CNTN4: variants seen among roughly 807,000 people sequenced by gnomAD.
CNTN4 encodes the protein contactin 4.
Under a neutral mutation model 122.5 loss-of-function variants are expected in CNTN4, and 77 were observed. That is an observed-to-expected ratio of 0.63 (90% CI 0.52 to 0.76). The LOEUF is 0.76. Ranked by LOEUF, CNTN4 falls within the 30% of genes least tolerant of loss-of-function variation. The pLI is 0.00. For missense variants in CNTN4, 1,256 were observed against 1,259.1 expected (o/e 1.00, Z 0.04); for synonymous variants, 512 against 447.0 (o/e 1.15, Z -1.83).
At chr3:2,367,029 G>A (rs185477932) in intron 3 of CNTN4, among the ~76,000 whole-genome samples, 210 of 152,120 alleles carry the variant, frequency 1.4e-3, no homozygotes, top group African/African-American at 4.9e-3. Flanking sequence ...GTGGTCTCTT[G>A]AATCTCCCTA....
At chr3:2,951,020 C>T (rs1031426468) in intron 13 of CNTN4, among the ~76,000 whole-genome samples, 2 of 152,146 alleles carry the variant, frequency 1.3e-5, no homozygotes, top group Non-Finnish European at 2.9e-5. Flanking sequence ...CTTAATCTCT[C>T]GAAACCTAAT....
intron 3 of CNTN4, among the ~76,000 whole-genome samples, chr3:2,441,324 A>G (rs906088081): frequency 1.3e-5 from 2 of 152,108 alleles, no homozygotes; most frequent in African/African-American, 4.8e-5. Context: ...CAAAAGTAAC[A>G]TTTTCTATGA....
intron 4 of CNTN4, among the ~76,000 whole-genome samples, chr3:2,636,940 G>GTTTTTTTTT (rs34067643): frequency 4.2e-5 from 4 of 95,108 alleles, no homozygotes; most frequent in African/African-American, 8.3e-5. Context: ...TTTTTTTTTG[G>GTTTTTTTTT]TTTTTTTTTT....
chr3:2,712,074 A>T (rs1294120017), intron 4 of CNTN4, among the ~76,000 whole-genome samples: 1 of 152,202 alleles, frequency 6.6e-6, no homozygotes, highest in Non-Finnish European at 1.5e-5. Context: ...CATTTACTGA[A>T]TATACATTCA....
intron 2 of CNTN4, among the ~76,000 whole-genome samples, chr3:2,139,941 C>T (rs1462307516): frequency 6.6e-6 from 1 of 152,220 alleles, no homozygotes; most frequent in African/African-American, 2.4e-5. Flanking sequence ...CTATAATTCC[C>T]ACCTGTCATG....
rs186167901 is a variant in CNTN4 at position 2,468,539 on chromosome 3, A to G, written c.-88-102877A>G. On this transcript the variant is annotated intron_variant, in intron 3 of 24. Transcript: ENST00000418658. ...CGGTAGGCTGTTGTGTCTGGGATCTACAGAGAAGACTACATCAGTCAGAAT... is the reference window on the plus strand; with the variant it reads ...CGGTAGGCTGTTGTGTCTGGGATCTGCAGAGAAGACTACATCAGTCAGAAT... Among the ~76,000 whole-genome samples the G allele has an allele frequency of 1.3e-3, 193 of 152,300 alleles. 1 individual carries two copies. The highest frequency in any genetic ancestry group is 2.2e-3 in the Non-Finnish European group (151 of 68,028).
intron 3 of CNTN4, among the ~76,000 whole-genome samples, chr3:2,374,789 G>A (rs1311308835): frequency 6.6e-6 from 1 of 152,128 alleles, no homozygotes; most frequent in African/African-American, 2.4e-5. Context: ...ATACATGAAT[G>A]TTTAAATTTT....
rs558486630 is a variant in CNTN4, at chr3:2,543,964, G to T, written c.-88-27452G>T. Among the ~76,000 whole-genome samples the T allele has an allele frequency of 2.6e-5, 4 of 152,174 alleles. No individual in the cohort carries two copies. The South Asian group carries it at 8.3e-4, about 32-fold the overall frequency. On this transcript the variant is annotated intron_variant, in intron 3 of 24. Transcript: ENST00000418658. ...GCGACAAGCCTCTGTGGTAGACATT[G>T]AACTTTTCATATTTTGGATATATCT...
At chr3:2,582,479 G>T (rs1213339977) in intron 4 of CNTN4, among the ~76,000 whole-genome samples, 1 of 152,160 alleles carries the variant, frequency 6.6e-6, no homozygotes, top group Non-Finnish European at 1.5e-5. Flanking sequence ...TGGGATTGGG[G>T]GCGGCGGGGA....
intron 17 of CNTN4, among the ~76,000 whole-genome samples, chr3:3,035,702 G>A (rs909128728): frequency 2.0e-5 from 3 of 152,156 alleles, no homozygotes; most frequent in South Asian, 4.1e-4. Flanking sequence ...GACCACAGGC[G>A]CAGGCCCCCA....
chr3:3,023,384 A>T (rs1286214791), intron 14 of CNTN4, among the ~76,000 whole-genome samples: 1 of 152,150 alleles, frequency 6.6e-6, no homozygotes, highest in Non-Finnish European at 1.5e-5. Context: ...TGACTCAGGG[A>T]ACTTCTCTGG....
At chr3:2,398,095 T>C (rs552427474) in intron 3 of CNTN4, among the ~76,000 whole-genome samples, 11 of 152,262 alleles carry the variant, frequency 7.2e-5, no homozygotes, top group Middle Eastern at 3.4e-3. Flanking sequence ...AGTTAAAATA[T>C]TAAAAGTCGA....
chr3:2,634,027 G>A (rs9811464), intron 4 of CNTN4, among the ~76,000 whole-genome samples: 1 of 151,936 alleles, frequency 6.6e-6, no homozygotes. Context: ...CATAGTGGTT[G>A]GGAAACAATT....
chr3:2,904,253 G>A (rs916408799), intron 12 of CNTN4, among the ~76,000 whole-genome samples: 6 of 152,156 alleles, frequency 3.9e-5, no homozygotes, highest in African/African-American at 7.2e-5. Context: ...GCTAATTCAC[G>A]TGCTCTGATA....
intron 4 of CNTN4, among the ~76,000 whole-genome samples, chr3:2,626,345 A>C (rs1685305833): frequency 6.6e-6 from 1 of 152,122 alleles, no homozygotes; most frequent in East Asian, 1.9e-4. Flanking sequence ...TACGAAAAAA[A>C]AATTAGCCAG....
At chr3:2,432,257 T>G (rs758499432) in intron 3 of CNTN4, among the ~76,000 whole-genome samples, 1 of 152,232 alleles carries the variant, frequency 6.6e-6, no homozygotes, top group Non-Finnish European at 1.5e-5. Context: ...ATCACTGTGC[T>G]TATGCATTCA....
chr3:2,676,928 C>T (rs1576427885), intron 4 of CNTN4, among the ~76,000 whole-genome samples: 1 of 152,234 alleles, frequency 6.6e-6, no homozygotes, highest in East Asian at 1.9e-4. Context: ...TTTGTGTGGA[C>T]TAGGAACATC....
At chr3:2,106,754 C>A (rs1023685455) in intron 2 of CNTN4, among the ~76,000 whole-genome samples, 16 of 152,340 alleles carry the variant, frequency 1.1e-4, no homozygotes, top group African/African-American at 3.8e-4. Flanking sequence ...CAAATTTCTG[C>A]AGCTGGCTTG....
chr3:2,434,419 G>A (rs1441643433), intron 3 of CNTN4, among the ~76,000 whole-genome samples: 1 of 152,194 alleles, frequency 6.6e-6, no homozygotes, highest in Non-Finnish European at 1.5e-5. Flanking sequence ...AGCTAGGAAA[G>A]AATTTGGGAC....
Sources: allele counts gnomAD v4.1 joint callset (sites outside exome capture counted in the v4.1 genomes callset), GRCh38; gene constraint gnomAD v4.1.1; transcripts MANE v1.5; gene names NCBI Gene and HGNC (gene_info 2026-07-23, HGNC 2026-07-21).